SYCP2L: variants seen among roughly 807,000 people sequenced by gnomAD.
The protein encoded by SYCP2L is synaptonemal complex protein 2-like.
In SYCP2L, 98 loss-of-function variants were observed where a neutral mutation model predicts 125.8. That is an observed-to-expected ratio of 0.78 (90% CI 0.66 to 0.92). SYCP2L has a LOEUF of 0.92. SYCP2L is among the 40% of genes least tolerant of loss of function. The pLI is 0.00. For missense variants in SYCP2L, 842 were observed against 936.4 expected, an observed-to-expected ratio of 0.90 and a Z score of 1.32; for synonymous variants, 317 against 325.4, an observed-to-expected ratio of 0.97 and a Z score of 0.28.
At chr6:10,922,707 T>A (rs1780821443) in intron 14 of SYCP2L, 2 of 152,118 alleles carry the variant, frequency 1.3e-5, no homozygotes, top group African/African-American at 4.8e-5. Flanking sequence ...CCTGGAGTGA[T>A]GAGTAAAATG....
chr6:10,899,430 C>T (rs964701416), intron 6 of SYCP2L, among the ~76,000 whole-genome samples: 6 of 152,102 alleles, frequency 3.9e-5, no homozygotes, highest in Non-Finnish European at 8.8e-5. Flanking sequence ...CACCTGTAGT[C>T]CCAGCTACTT....
rs1033818036 is a variant in SYCP2L, at chr6:10,912,921, A to G, written c.1066A>G (p.Ile356Val). The G allele has an allele frequency of 4.3e-6, 7 of 1,613,464 alleles. No individual in the cohort carries two copies. Among genetic ancestry groups the G allele is most frequent in the Non-Finnish European group, 2.5e-6 (3 of 1,179,922 alleles). ...LPKEAVMNFS[I>V]TETEKIKIFI... Reference sequence around the variant, plus strand: ...GAAGGAAGCGGTGATGAATTTCAGCATAACAGGTAATATGATACATTTAAA... The same window carrying G: ...GAAGGAAGCGGTGATGAATTTCAGCGTAACAGGTAATATGATACATTTAAA... The change falls in exon 14 of 30, where the codon ATA (isoleucine) becomes GTA (valine). Residue 356 changes from isoleucine (I) to valine (V), a missense_variant. Transcript: ENST00000283141. This position sits in a 1 kb window ranked among gnomAD's most constrained non-coding sequence, Gnocchi z 4.1.
At chr6:10,964,673 A>T (rs901881987) in intron 29 of SYCP2L, among the ~76,000 whole-genome samples, 1 of 152,222 alleles carries the variant, frequency 6.6e-6, no homozygotes, top group Non-Finnish European at 1.5e-5. Context: ...AACGTGTTTA[A>T]TGGAGGCAAC....
At chr6:10,949,494 C>G (rs1781372926) in intron 23 of SYCP2L, among the ~76,000 whole-genome samples, 1 of 152,050 alleles carries the variant, frequency 6.6e-6, no homozygotes, top group Non-Finnish European at 1.5e-5. Flanking sequence ...TTTACTGGGG[C>G]TTACATTAAG....
At chr6:10,928,746 C>T (rs1561690808) in intron 18 of SYCP2L, among the ~76,000 whole-genome samples, 1 of 152,076 alleles carries the variant, frequency 6.6e-6, no homozygotes, top group Non-Finnish European at 1.5e-5. Flanking sequence ...CTCCATTCCC[C>T]AGGCTGGTCT....
chr6:10,948,374 C>A (rs1488710287), intron 23 of SYCP2L, among the ~76,000 whole-genome samples: 1 of 152,118 alleles, frequency 6.6e-6, no homozygotes, highest in African/African-American at 2.4e-5. Context: ...GGTAACCACC[C>A]TTCTATGCTA....
At chr6:10,913,426 A>G (rs950611102) in intron 14 of SYCP2L, among the ~76,000 whole-genome samples, 33 of 152,184 alleles carry the variant, frequency 2.2e-4, no homozygotes, top group African/African-American at 6.5e-4. Flanking sequence ...AGTAGTTAGG[A>G]TCAAGGGCTT....
At chr6:10,917,492 A>T (rs1204186217) in intron 14 of SYCP2L, among the ~76,000 whole-genome samples, 1 of 152,162 alleles carries the variant, frequency 6.6e-6, no homozygotes, top group African/African-American at 2.4e-5. Context: ...GTCCTTTTGC[A>T]TGAAATGTCT....
intron 23 of SYCP2L, among the ~76,000 whole-genome samples, chr6:10,951,713 T>A (rs142813722): frequency 1.3e-5 from 2 of 152,338 alleles, no homozygotes; most frequent in East Asian, 3.9e-4. Context: ...TTTGGTAGAT[T>A]CTGTTCTTGC....
chr6:10,910,902 G>T, intron 12 of SYCP2L, 33 bp downstream of exon 12: 1 of 1,611,570 alleles, frequency 6.2e-7, no homozygotes, highest in Non-Finnish European at 8.5e-7. Context: ...TCCTGAGGGC[G>T]GTGTGCAGTG....
intron 14 of SYCP2L, among the ~76,000 whole-genome samples, chr6:10,913,380 CT>C (rs1780640821): frequency 6.6e-6 from 1 of 152,172 alleles, no homozygotes; most frequent in Admixed American, 6.6e-5. Flanking sequence ...TGCCTGCCCC[CT>C]CTACGGAGAT....
intron 2 of SYCP2L, among the ~76,000 whole-genome samples, chr6:10,893,600 C>T (rs1179988871): frequency 6.6e-6 from 1 of 152,030 alleles, no homozygotes; most frequent in African/African-American, 2.4e-5. Context: ...AAGGCTCTGC[C>T]CTGAGTGTGA....
intron 11 of SYCP2L, 26 bp downstream of exon 11, chr6:10,910,226 G>A: frequency 2.5e-6 from 4 of 1,601,030 alleles, no homozygotes; most frequent in Non-Finnish European, 3.4e-6. Flanking sequence ...GAGCATTATT[G>A]ACTAGTTGTA....
intron 2 of SYCP2L, among the ~76,000 whole-genome samples, chr6:10,892,191 C>T (rs1275647367): frequency 6.6e-6 from 1 of 152,158 alleles, no homozygotes; most frequent in Non-Finnish European, 1.5e-5. Flanking sequence ...CTTGACTTAT[C>T]CTAGGACTCA....
At chr6:10,943,700 T>C (rs1042029369) in intron 23 of SYCP2L, among the ~76,000 whole-genome samples, 8 of 152,212 alleles carry the variant, frequency 5.3e-5, no homozygotes, top group Admixed American at 3.3e-4. Context: ...ACTTATGACT[T>C]TTGTAAACAT....
At chr6:10,893,717 T>G in intron 2 of SYCP2L, 150 bp from the exon 3 acceptor site, 1 of 930,948 alleles carries the variant, frequency 1.1e-6, no homozygotes, top group Non-Finnish European at 1.6e-6. Flanking sequence ...TGTGAAATGA[T>G]TGTTTACTAT....
intron 29 of SYCP2L, among the ~76,000 whole-genome samples, chr6:10,973,474 G>C (rs9379985): frequency 6.6e-6 from 1 of 152,208 alleles, no homozygotes. Context: ...AGAGGTTGCA[G>C]TAAGCCAAGA....
Position 10,942,492 on chromosome 6 carries a change from C to T in SYCP2L, c.1847C>T (p.Ser616Phe). The change falls in exon 22 of 30, where the codon TCT (serine) becomes TTT (phenylalanine). Residue 616 changes from serine (S) to phenylalanine (F), a missense_variant. Transcript: ENST00000283141. Reference sequence around the variant, plus strand: ...GATCCTCACTCACTGAGTGAGCTCTCTTCCTTGAAGCACTCAGAAGATGAA... The same window carrying T: ...GATCCTCACTCACTGAGTGAGCTCTTTTCCTTGAAGCACTCAGAAGATGAA... Reference protein sequence around the residue: ...LQDPHSLSELSSLKHSEDEEK... With the variant: ...LQDPHSLSELFSLKHSEDEEK... 6.2e-7 allele frequency: 1 copy of T among 1,600,580 alleles called. No individual in the cohort carries two copies. The highest frequency in any genetic ancestry group is 1.1e-5 in the South Asian group (1 of 87,820).
intron 20 of SYCP2L, among the ~76,000 whole-genome samples, chr6:10,932,955 T>C (rs187329163): frequency 4.6e-4 from 70 of 152,292 alleles, no homozygotes; most frequent in Admixed American, 4.0e-3. Flanking sequence ...AGTTTTGCCA[T>C]GTTGGCCAGG....
Sources: allele counts gnomAD v4.1 joint callset (sites outside exome capture counted in the v4.1 genomes callset), GRCh38; gene constraint gnomAD v4.1.1; non-coding constraint Gnocchi (gnomAD v3.1); transcripts MANE v1.5; gene names NCBI Gene and HGNC (gene_info 2026-07-23, HGNC 2026-07-21).